Variants in ATP13A4 observed in about 807,000 individuals in gnomAD.
The protein encoded by ATP13A4 is ATPase 13A4.
Under a neutral mutation model 142.5 loss-of-function variants are expected in ATP13A4, and 114 were observed. That is an observed-to-expected ratio of 0.80 (90% confidence interval 0.69 to 0.93). The LOEUF (loss-of-function observed/expected upper bound fraction) is 0.93. Among genes scored for constraint, ATP13A4 ranks in the 40% least tolerant of loss-of-function variants. The pLI is 0.00. For missense variants in ATP13A4, 1,392 were observed against 1,454.0 expected, an observed-to-expected ratio of 0.96 and a Z score of 0.69; for synonymous variants, 488 against 514.8, an observed-to-expected ratio of 0.95 and a Z score of 0.70.
intron 3 of ATP13A4, among the ~76,000 whole-genome samples, chr3:193,494,242 GA>G (rs1053437568): frequency 6.6e-6 from 1 of 151,916 alleles, no homozygotes; most frequent in African/African-American, 2.4e-5. Context: ...AATTAACGAA[GA>G]AATATCAAAT....
chr3:193,541,515 AAAACTTTAAAT>A, intron 1 of ATP13A4, among the ~76,000 whole-genome samples: 1 of 152,236 alleles, frequency 6.6e-6, no homozygotes, highest in East Asian at 1.9e-4. Context: ...CAGGGACCTG[AAAACTTTAAAT>A]ACTATTTTTT....
At chr3:193,517,299 G>A (rs1721468892) in intron 1 of ATP13A4, among the ~76,000 whole-genome samples, 2 of 152,296 alleles carry the variant, frequency 1.3e-5, no homozygotes, top group Admixed American at 1.3e-4. Flanking sequence ...GTAGAGAAGA[G>A]AGTCACACAA....
chr3:193,485,601 A>T (rs1299073910), intron 7 of ATP13A4, among the ~76,000 whole-genome samples: 1 of 152,198 alleles, frequency 6.6e-6, no homozygotes, highest in Non-Finnish European at 1.5e-5. Flanking sequence ...AAAGTATTAA[A>T]ATCAATTGAC....
intron 7 of ATP13A4, among the ~76,000 whole-genome samples, chr3:193,489,265 T>C (rs1375106648): frequency 1.3e-5 from 2 of 152,094 alleles, no homozygotes; most frequent in Non-Finnish European, 2.9e-5. Flanking sequence ...ATTTTTTTTT[T>C]CCAACAGTAT....
At chr3:193,471,556 T>C (rs1489883527) in intron 8 of ATP13A4, among the ~76,000 whole-genome samples, 1 of 151,634 alleles carries the variant, frequency 6.6e-6, no homozygotes, top group Non-Finnish European at 1.5e-5. Flanking sequence ...CACTCCAGCC[T>C]GGGTGACAGG....
chr3:193,590,460 T>G (rs1440368950), intron 1 of ATP13A4, among the ~76,000 whole-genome samples: 1 of 152,192 alleles, frequency 6.6e-6, no homozygotes, highest in Non-Finnish European at 1.5e-5. Flanking sequence ...TTGTGAGTTC[T>G]GGCCACATTG....
intron 17 of ATP13A4, among the ~76,000 whole-genome samples, chr3:193,452,067 T>C (rs1717312727): frequency 6.6e-6 from 1 of 152,212 alleles, no homozygotes; most frequent in Non-Finnish European, 1.5e-5. Flanking sequence ...CCATTGCTCA[T>C]GTGTCTCCAC....
At chr3:193,418,416 A>G (rs1229172092) in intron 25 of ATP13A4, among the ~76,000 whole-genome samples, 1 of 149,728 alleles carries the variant, frequency 6.7e-6, no homozygotes, top group Admixed American at 6.9e-5. Context: ...CCAAAACAAC[A>G]CTATATTTTG....
rs529098632 is a variant in ATP13A4, at chr3:193,490,303, T to C, written c.604-439A>G. On this transcript the variant is annotated intron_variant, in intron 6 of 29. Transcript: ENST00000342695. ...ACAATAGTTATTTAAGGAGTAGATG[T>C]TGTCACCTCCTGTCTACATTTACTG... is the stretch of plus-strand genomic sequence containing the variant. Among the ~76,000 whole-genome samples the C allele has an allele frequency of 2.0e-5, 3 of 152,348 alleles. No homozygotes were observed. The East Asian group carries it at 5.8e-4, about 29-fold the overall frequency.
intron 17 of ATP13A4, among the ~76,000 whole-genome samples, chr3:193,449,157 C>G (rs944090016): frequency 6.6e-6 from 1 of 152,222 alleles, no homozygotes; most frequent in Admixed American, 6.5e-5. Flanking sequence ...TCTTCTGTAT[C>G]AAGCGTGAAT....
chr3:193,431,940 T>C (rs1430959023), intron 25 of ATP13A4, among the ~76,000 whole-genome samples: 1 of 151,888 alleles, frequency 6.6e-6, no homozygotes, highest in East Asian at 1.9e-4. Context: ...CTAATGGAAA[T>C]GGAATGGTAG....
Position 193,492,932 on chromosome 3 carries a change from T to G in ATP13A4, c.518A>C (p.Glu173Ala). 6.2e-7 allele frequency: 1 copy of G among 1,608,574 alleles called. No homozygotes were observed. The highest frequency in any genetic ancestry group is 8.5e-7 in the Non-Finnish European group (1 of 1,175,796). Residue 173 changes from glutamate to alanine, a missense_variant, in exon 5 of 30, where the codon GAA (glutamate) becomes GCA (alanine). Coordinates refer to ENST00000342695, the MANE Select transcript of ATP13A4 (RefSeq NM_032279.4). ...HQKFGSGLTR[E>A]EQEIRRLICG... The stretch of plus-strand genomic sequence containing the variant: ...TGCATGGTACCTAATCTCCTGTTCT[T>G]CTCTTGTCAAGCCTGATCCAAATTT...
At position 193,423,567 on chromosome 3, in the gene ATP13A4, A is replaced by G. The variant is rs1032502847; in HGVS notation, c.2843-8817T>C. Among the ~76,000 whole-genome samples, 10 of 149,916 alleles carry G rather than the reference A, an allele frequency of 6.7e-5. 1 individual carries two copies. The highest frequency in any genetic ancestry group is 4.8e-4 in the Admixed American group (7 of 14,534). ...TCAATAAACATGATACATTACATCAATAGGATGGACAAAAACCATATAATC... is the reference window on the plus strand; with the variant it reads ...TCAATAAACATGATACATTACATCAGTAGGATGGACAAAAACCATATAATC... On this transcript the variant is annotated intron_variant, in intron 25 of 29. Transcript: ENST00000342695.
chr3:193,456,552 T>A (rs35931431), intron 16 of ATP13A4, among the ~76,000 whole-genome samples: 27,205 of 152,176 alleles, frequency 0.18, 3,014 homozygotes, highest in South Asian at 0.34. Context: ...GAGATTATAC[T>A]GGAGCCTATG....
intron 25 of ATP13A4, among the ~76,000 whole-genome samples, chr3:193,421,121 T>C (rs149088236): frequency 1.3e-5 from 2 of 149,800 alleles, no homozygotes; most frequent in Non-Finnish European, 1.5e-5. Context: ...CACATTATAA[T>C]AAATTGTCAA....
chr3:193,437,691 G>C (rs966975304), intron 23 of ATP13A4, among the ~76,000 whole-genome samples: 2 of 152,008 alleles, frequency 1.3e-5, no homozygotes, highest in Non-Finnish European at 2.9e-5. Flanking sequence ...ACACATGTCA[G>C]TTACAATAAC....
chr3:193,410,056 G>A lies in ATP13A4; in HGVS notation c.3297+926C>T, dbSNP rs138784715. On this transcript the variant is annotated intron_variant, in intron 28 of 29. Coordinates refer to ENST00000342695, the MANE Select transcript of ATP13A4 (RefSeq NM_032279.4). ...TTCTTGATCTAAAGATCATTTAGCCGTGATTAAATTGTAATAAAAGTAGGA... is the reference window on the plus strand; with the variant it reads ...TTCTTGATCTAAAGATCATTTAGCCATGATTAAATTGTAATAAAAGTAGGA... Among the ~76,000 whole-genome samples, 236 of 152,280 alleles carry A rather than the reference G, an allele frequency of 1.5e-3. 2 individuals carry two copies. The highest frequency in any genetic ancestry group is 5.2e-3 in the African/African-American group (217 of 41,560).
At chr3:193,467,276 A>G (rs1329317029) in intron 10 of ATP13A4, 40 bp downstream of exon 10, 1 of 1,609,960 alleles carries the variant, frequency 6.2e-7, no homozygotes, top group Admixed American at 1.7e-5. Flanking sequence ...ACTGGGCAAA[A>G]GTATACCATT....
intron 17 of ATP13A4, among the ~76,000 whole-genome samples, chr3:193,452,984 CCA>C (rs1339291092): frequency 6.6e-6 from 1 of 151,892 alleles, no homozygotes; most frequent in African/African-American, 2.4e-5. Context: ...GACTTGTTAA[CCA>C]CTTCACAGTC....
Sources: gnomAD v4.1 joint callset for allele counts (sites outside exome capture counted in the v4.1 genomes callset) on GRCh38, gnomAD v4.1.1 for gene constraint, MANE v1.5 for transcripts, NCBI Gene and HGNC (gene_info 2026-07-23, HGNC 2026-07-21) for gene names.